CYFIP1: variants seen among roughly 807,000 people sequenced by gnomAD.
CYFIP1 encodes the protein cytoplasmic FMR1 interacting protein 1, also known as cytoplasmic FMR1-interacting protein 1.
A neutral mutation model predicts 163.5 loss-of-function variants in CYFIP1; 58 were observed. The ratio of observed to expected loss-of-function variants is 0.35; its 90% CI spans 0.29 to 0.44. The LOEUF is 0.44. CYFIP1 is among the 20% of genes least tolerant of loss of function. CYFIP1 has a pLI of 1.00. For missense variants in CYFIP1, 1,338 were observed against 1,653.8 expected (o/e 0.81, Z 3.31); for synonymous variants, 663 against 660.7 (o/e 1.00, Z -0.05).
chr15:22,879,779 C>CA (rs563478057), intron 26 of CYFIP1, 134 bp downstream of exon 26: 55,562 of 542,118 alleles, frequency 0.1, 6 homozygotes, highest in Middle Eastern at 0.12. Context: ...TCAACAGCCA[C>CA]AAAAAAAAAA....
At chr15:22,937,401 G>A (rs758147385) in intron 8 of CYFIP1, among the ~76,000 whole-genome samples, 193 bp from the exon 9 acceptor site, 12 of 152,126 alleles carry the variant, frequency 7.9e-5, no homozygotes, top group African/African-American at 1.9e-4. Flanking sequence ...GATACAAAGC[G>A]GGGCTGGGCT....
chr15:22,870,654 T>C (rs2059408882), intron 30 of CYFIP1, among the ~76,000 whole-genome samples: 1 of 152,154 alleles, frequency 6.6e-6, no homozygotes, highest in Admixed American at 6.5e-5. Flanking sequence ...AGGATGAATA[T>C]ATTTTGAATT....
At chr15:22,930,541 G>A (rs557772503) in intron 11 of CYFIP1, among the ~76,000 whole-genome samples, 13 of 152,134 alleles carry the variant, frequency 8.5e-5, no homozygotes, top group Non-Finnish European at 1.2e-4. Context: ...AAATCTTAAC[G>A]TAGTGGAAAA....
chr15:22,950,085 G>A, intron 1 of CYFIP1, among the ~76,000 whole-genome samples: 1 of 152,168 alleles, frequency 6.6e-6, no homozygotes, highest in East Asian at 1.9e-4. Context: ...AGGAAATAGA[G>A]CAATGATAAA....
chr15:22,941,491 T>C (rs1275347419), intron 6 of CYFIP1, among the ~76,000 whole-genome samples: 1 of 152,074 alleles, frequency 6.6e-6, no homozygotes, highest in Non-Finnish European at 1.5e-5. Flanking sequence ...GCATTGACAC[T>C]TAAAAGAGGT....
rs1230948825 is a variant in CYFIP1, at chr15:22,867,374, C to T, written c.*2654G>A. ...AAAACTAAGTTACTGAATGAAGGAA[C>T]CTCTTTCTTACAAAACAAAAAAAAG... is the stretch of plus-strand genomic sequence containing the variant. On this transcript the variant is annotated 3_prime_UTR_variant, in exon 31 of 31. Transcript: ENST00000617928. 2.6e-6 allele frequency: 1 copy of T among 391,788 alleles called. No homozygotes were observed. Among genetic ancestry groups the T allele is most frequent in the Non-Finnish European group, 4.5e-6 (1 of 222,630 alleles). 24.3% of individuals were successfully genotyped at this position (391,788 alleles called of 1,614,324 possible). A position where few individuals can be genotyped will look rare whatever the true frequency, so the allele number is the denominator to read the frequency against.
At chr15:22,966,978 C>T (rs995765539) in intron 1 of CYFIP1, among the ~76,000 whole-genome samples, 14 of 151,576 alleles carry the variant, frequency 9.2e-5, no homozygotes, top group Admixed American at 7.2e-4. Flanking sequence ...GGGGACGCCG[C>T]AGTTCCCAAA....
chr15:22,934,148 T>C (rs1438272569), intron 9 of CYFIP1, among the ~76,000 whole-genome samples: 49 of 113,812 alleles, frequency 4.3e-4, no homozygotes, highest in African/African-American at 1.5e-3. Context: ...TCCACAGTCA[T>C]AAAAAAAAAA....
chr15:22,882,752 CT>C, intron 24 of CYFIP1, 115 bp downstream of exon 24: 1 of 1,229,816 alleles, frequency 8.1e-7, no homozygotes, highest in Non-Finnish European at 1.1e-6. Flanking sequence ...TGTTTGAAGC[CT>C]AATTGAACGA....
At chr15:22,896,083 G>A (rs1482691736) in intron 22 of CYFIP1, among the ~76,000 whole-genome samples, 1 of 152,154 alleles carries the variant, frequency 6.6e-6, no homozygotes, top group South Asian at 2.1e-4. Flanking sequence ...AGAAGTGAGG[G>A]TGGCCCCAGG....
chr15:22,967,300 G>A (rs537973907), intron 1 of CYFIP1, among the ~76,000 whole-genome samples: 34 of 152,258 alleles, frequency 2.2e-4, no homozygotes, highest in Admixed American at 3.3e-4. Flanking sequence ...GACGGGGCCC[G>A]ACTAAGCCCT....
chr15:22,880,704 G>A (rs1430822237), intron 25 of CYFIP1, among the ~76,000 whole-genome samples: 4 of 152,194 alleles, frequency 2.6e-5, no homozygotes, highest in Non-Finnish European at 4.4e-5. Flanking sequence ...AGAGCAAAGC[G>A]GGAGGCTCAG....
rs187241353 is a variant in CYFIP1 at position 22,933,124 on chromosome 15, G to A, written c.992+678C>T. Among the ~76,000 whole-genome samples the A allele has an allele frequency of 3.4e-4, 52 of 151,792 alleles. No homozygotes were observed. The South Asian group carries it at 4.2e-3, about 12-fold the overall frequency. ...GCTGGGATTACAGGCATGAGCCACC[G>A]CGCCCCACCCTCTTCTTTTTTTTTA... On this transcript the variant is annotated intron_variant, in intron 10 of 30. Transcript: ENST00000617928.
intron 6 of CYFIP1, among the ~76,000 whole-genome samples, chr15:22,941,436 T>A (rs974544034): frequency 6.6e-6 from 1 of 151,984 alleles, no homozygotes; most frequent in African/African-American, 2.4e-5. Flanking sequence ...AGGATACTGT[T>A]TTCTATTTTC....
chr15:22,971,500 CTA>C (rs1648097866), intron 1 of CYFIP1, among the ~76,000 whole-genome samples: 1 of 152,050 alleles, frequency 6.6e-6, no homozygotes, highest in South Asian at 2.1e-4. Flanking sequence ...TGCAGAAACC[CTA>C]TCTCTGCTAA....
At chr15:22,968,384 T>C (rs1344928367) in intron 1 of CYFIP1, among the ~76,000 whole-genome samples, 1 of 152,148 alleles carries the variant, frequency 6.6e-6, no homozygotes, top group Non-Finnish European at 1.5e-5. Flanking sequence ...AGTGCAGGCC[T>C]TGAAAGAAAA....
upstream of CYFIP1, among the ~76,000 whole-genome samples, chr15:22,980,568 C>T (rs1055838143): frequency 1.3e-5 from 2 of 152,036 alleles, no homozygotes; most frequent in Non-Finnish European, 2.9e-5. Context: ...CCCTGGCTAC[C>T]TGCCGGCCTG....
intron 23 of CYFIP1, among the ~76,000 whole-genome samples, chr15:22,883,580 G>A (rs917452340): frequency 2.0e-5 from 3 of 152,182 alleles, no homozygotes; most frequent in Non-Finnish European, 2.9e-5. Flanking sequence ...CCCTTTGGGA[G>A]GCCGAGGTGG....
chr15:22,964,349 T>TCTCA (rs1389844730), intron 1 of CYFIP1, among the ~76,000 whole-genome samples: 8 of 39,582 alleles, frequency 2.0e-4, no homozygotes, highest in African/African-American at 4.6e-4. Context: ...CGCAACCTCA[T>TCTCA]CACTCACACA....
Sources: gnomAD v4.1 joint callset for allele counts (sites outside exome capture counted in the v4.1 genomes callset) on GRCh38, gnomAD v4.1.1 for gene constraint, MANE v1.5 for transcripts, NCBI Gene and HGNC (gene_info 2026-07-23, HGNC 2026-07-21) for gene names.